The following CADM1 variants were observed in gnomAD, a reference collection of about 807,000 sequenced individuals.
CADM1 encodes TSLC-1.
A neutral mutation model predicts 53.1 loss-of-function variants in CADM1; 15 were observed. That is an observed-to-expected ratio of 0.28 (90% confidence interval 0.19 to 0.44). The LOEUF (loss-of-function observed/expected upper bound fraction) is 0.44. CADM1 is among the 20% of genes least tolerant of loss of function. CADM1 has a pLI of 1.00. For synonymous variants in CADM1, 281 were observed against 243.0 expected (o/e 1.16, Z -1.45); for missense variants, 434 against 611.3 (o/e 0.71, Z 3.06).
At chr11:115,402,343 T>C (rs767681219) in intron 1 of CADM1, among the ~76,000 whole-genome samples, 2 of 152,038 alleles carry the variant, frequency 1.3e-5, no homozygotes, top group Non-Finnish European at 2.9e-5. Flanking sequence ...GCCAATATGG[T>C]GAAACCCTGT....
In CADM1 at chr11:115,172,229, G is replaced by C. The variant is rs1394566594; in HGVS notation, c.*4245C>G. Reference sequence around the variant, plus strand: ...TTTTGATCCTTATTCTATCTCTCTGGGTCTTTTTATAGAGATGCAATGAAT... The same window carrying C: ...TTTTGATCCTTATTCTATCTCTCTGCGTCTTTTTATAGAGATGCAATGAAT... On this transcript the variant is annotated 3_prime_UTR_variant, in exon 12 of 12. Transcript: ENST00000331581. 1 of 152,160 alleles carries C rather than the reference G, an allele frequency of 6.6e-6. No individual in the cohort carries two copies. Among genetic ancestry groups the C allele is most frequent in the African/African-American group, 2.4e-5 (1 of 41,432 alleles). The allele number at this position is 152,160 out of a possible 1,614,324, so 9.4% of individuals were successfully genotyped here. A position where few individuals can be genotyped will look rare whatever the true frequency, so the allele number is the denominator to read the frequency against.
At chr11:115,224,796 T>C (rs1021249027) in intron 5 of CADM1, among the ~76,000 whole-genome samples, 2 of 152,176 alleles carry the variant, frequency 1.3e-5, no homozygotes, top group African/African-American at 4.8e-5. Context: ...AGTGAACTGT[T>C]CCCATTTAAA....
intron 1 of CADM1, among the ~76,000 whole-genome samples, chr11:115,446,970 G>C (rs1025473163): frequency 2.0e-5 from 3 of 152,136 alleles, no homozygotes; most frequent in Non-Finnish European, 4.4e-5. Flanking sequence ...TAATAACACA[G>C]CTAAGGTACA....
At chr11:115,351,098 G>A (rs1945723498) in intron 1 of CADM1, among the ~76,000 whole-genome samples, 1 of 150,174 alleles carries the variant, frequency 6.7e-6, no homozygotes, top group African/African-American at 2.5e-5. Flanking sequence ...TAGAAAGGTT[G>A]GCAGATAGAC....
intron 1 of CADM1, among the ~76,000 whole-genome samples, chr11:115,478,494 A>T (rs762277387): frequency 3.9e-5 from 6 of 152,194 alleles, no homozygotes; most frequent in Non-Finnish European, 8.8e-5. Context: ...CGATTACTGC[A>T]AAGCCTAATG....
intron 10 of CADM1, among the ~76,000 whole-genome samples, chr11:115,181,432 ATACT>A (rs1419005884): frequency 3.9e-5 from 6 of 152,136 alleles, no homozygotes; most frequent in Non-Finnish European, 8.8e-5. Context: ...TATTTTACAG[ATACT>A]TATTTATAAG....
chr11:115,496,406 TG>T (rs1359581854), intron 1 of CADM1, among the ~76,000 whole-genome samples: 1 of 152,230 alleles, frequency 6.6e-6, no homozygotes, highest in African/African-American at 2.4e-5. Context: ...AGCTGAAGGC[TG>T]ATAGGCAGAA....
At chr11:115,426,358 C>T (rs1206935735) in intron 1 of CADM1, among the ~76,000 whole-genome samples, 6 of 152,154 alleles carry the variant, frequency 3.9e-5, no homozygotes, top group Admixed American at 2.0e-4. Flanking sequence ...TTCACAGAGA[C>T]TTTTGATTTC....
intron 1 of CADM1, among the ~76,000 whole-genome samples, chr11:115,328,427 A>G (rs946466770): frequency 2.0e-5 from 3 of 151,794 alleles, no homozygotes; most frequent in Non-Finnish European, 4.4e-5. Flanking sequence ...ACATTTTCCA[A>G]GTGTATAGCT....
At chr11:115,340,410 T>C (rs186135862) in intron 1 of CADM1, 86 of 150,984 alleles carry the variant, frequency 5.7e-4, no homozygotes, top group African/African-American at 2.0e-3. Context: ...TGTGTCTTTC[T>C]AGGAACACTC....
intron 1 of CADM1, among the ~76,000 whole-genome samples, chr11:115,462,214 T>C (rs1377456318): frequency 6.6e-6 from 1 of 152,184 alleles, no homozygotes; most frequent in African/African-American, 2.4e-5. Context: ...CCTTCGAAAG[T>C]TTCATTTCAG....
intron 5 of CADM1, among the ~76,000 whole-genome samples, chr11:115,228,170 G>C (rs549585704): frequency 6.6e-6 from 1 of 152,172 alleles, no homozygotes; most frequent in Non-Finnish European, 1.5e-5. Flanking sequence ...ATCAATGAAC[G>C]ATCCATCCCT....
Position 115,209,555 on chromosome 11 carries a change from G to A in CADM1, c.1078+19C>T. On this transcript the variant is annotated intron_variant, in intron 8 of 11. Transcript: ENST00000331581. ...AATATACATTCAGGACATTTTCAAT[G>A]GTAATGAAGATACCATACCTGTGAT... The A allele has an allele frequency of 1.9e-6, 3 of 1,606,010 alleles. No homozygotes were observed. Among genetic ancestry groups the A allele is most frequent in the Non-Finnish European group, 2.6e-6 (3 of 1,176,464 alleles).
chr11:115,351,525 A>G (rs1400860481), intron 1 of CADM1, among the ~76,000 whole-genome samples: 1 of 152,228 alleles, frequency 6.6e-6, no homozygotes, highest in Non-Finnish European at 1.5e-5. Flanking sequence ...CAACATCAGT[A>G]AGACTGAAAT....
Position 115,175,736 on chromosome 11 carries a change from C to G in CADM1, c.*738G>C. On this transcript the variant is annotated 3_prime_UTR_variant, in exon 12 of 12. Transcript: ENST00000331581. Reference sequence around the variant, plus strand: ...AATTCAATCTCATTGTGACACACCTCACTTGCAGATAACCCTGTACAGTAA... The same window carrying G: ...AATTCAATCTCATTGTGACACACCTGACTTGCAGATAACCCTGTACAGTAA... 1 of 988,572 alleles carries G rather than the reference C, an allele frequency of 1.0e-6. No individual in the cohort carries two copies. The highest frequency in any genetic ancestry group is 1.2e-6 in the Non-Finnish European group (1 of 831,866). The allele number at this position is 988,572 out of a possible 1,614,324, so 61.2% of individuals were successfully genotyped here.
intron 1 of CADM1, among the ~76,000 whole-genome samples, chr11:115,357,633 T>C (rs978273853): frequency 6.6e-6 from 1 of 152,158 alleles, no homozygotes; most frequent in African/African-American, 2.4e-5. Flanking sequence ...GATAACAAAA[T>C]TGCCTTTCCC....
intron 1 of CADM1, among the ~76,000 whole-genome samples, chr11:115,282,219 T>C (rs570346020): frequency 2.6e-4 from 39 of 152,284 alleles, no homozygotes; most frequent in African/African-American, 7.9e-4. Flanking sequence ...ATAGGTTCAG[T>C]GAGTAATCTT....
intron 1 of CADM1, among the ~76,000 whole-genome samples, chr11:115,369,264 C>T (rs1434047823): frequency 1.3e-5 from 2 of 152,004 alleles, no homozygotes; most frequent in African/African-American, 4.8e-5. Context: ...CCAAGGGCAC[C>T]TTCATATATT....
chr11:115,492,237 G>A (rs1949512717), intron 1 of CADM1, among the ~76,000 whole-genome samples: 1 of 152,136 alleles, frequency 6.6e-6, no homozygotes, highest in East Asian at 1.9e-4. Flanking sequence ...AACAAAGGCT[G>A]TGTGAAAGTT....
Sources: allele counts gnomAD v4.1 joint callset (sites outside exome capture counted in the v4.1 genomes callset), GRCh38; gene constraint gnomAD v4.1.1; transcripts MANE v1.5; gene names NCBI Gene and HGNC (gene_info 2026-07-23, HGNC 2026-07-21).